The following KPNA6 variants were observed in gnomAD, a reference collection of about 807,000 sequenced individuals.
KPNA6 encodes importin subunit alpha-7.
In KPNA6, 9 loss-of-function variants were observed where a neutral mutation model predicts 72.0. The ratio of observed to expected loss-of-function variants is 0.13; its 90% CI spans 0.08 to 0.22. The LOEUF (loss-of-function observed/expected upper bound fraction) is 0.22. Ranked by LOEUF, KPNA6 falls within the 10% of genes least tolerant of loss-of-function variation. The pLI is 1.00. For synonymous variants in KPNA6, 219 were observed against 242.1 expected (o/e 0.90, Z 0.89); for missense variants, 374 against 655.7 (o/e 0.57, Z 4.69).
intron 2 of KPNA6, among the ~76,000 whole-genome samples, chr1:32,156,110 T>C (rs923512008): frequency 2.7e-5 from 4 of 146,756 alleles, no homozygotes; most frequent in African/African-American, 9.9e-5. Flanking sequence ...CTTTTTTTCT[T>C]TTTTTTTTTT....
intron 1 of KPNA6, among the ~76,000 whole-genome samples, chr1:32,146,020 G>A (rs1270998698): frequency 6.6e-6 from 1 of 152,048 alleles, no homozygotes; most frequent in Non-Finnish European, 1.5e-5. Flanking sequence ...ACTTTTAGTG[G>A]GCTAACATAT....
At chr1:32,117,600 G>A (rs1641351308) in intron 1 of KPNA6, among the ~76,000 whole-genome samples, 1 of 152,074 alleles carries the variant, frequency 6.6e-6, no homozygotes, top group South Asian at 2.1e-4. Context: ...GACCAGCCTG[G>A]GCAACATAGT....
In KPNA6 at chr1:32,156,971, C is replaced by G. The variant is rs752612230; in HGVS notation, c.231+26C>G. 4.5e-6 allele frequency: 7 copies of G among 1,550,864 alleles called. No homozygotes were observed. The Admixed American group carries it at 7.0e-5, about 15-fold the overall frequency. On this transcript the variant is annotated intron_variant, in intron 3 of 13. Coordinates refer to ENST00000373625, the MANE Select transcript of KPNA6 (RefSeq NM_012316.5). ...GTAAGGCCCCTGCATGTGCCTCAGGCTGACCTGGAAAACACCTGCTTCTAA... is the reference window on the plus strand; with the variant it reads ...GTAAGGCCCCTGCATGTGCCTCAGGGTGACCTGGAAAACACCTGCTTCTAA...
intron 1 of KPNA6, among the ~76,000 whole-genome samples, chr1:32,153,872 C>T (rs1441815353): frequency 6.6e-6 from 1 of 152,086 alleles, no homozygotes; most frequent in African/African-American, 2.4e-5. Context: ...CTTGGCTGGA[C>T]GTGGTTGCTC....
chr1:32,154,613 C>G lies in KPNA6; in HGVS notation c.30C>G (p.Asp10Glu). ...AGACCATGGCGAGCCCAGGGAAAGACAATTATCGAATGAAGAGCTATAAGA... is the reference window on the plus strand; with the variant it reads ...AGACCATGGCGAGCCCAGGGAAAGAGAATTATCGAATGAAGAGCTATAAGA... Reference protein sequence around the residue: METMASPGKDNYRMKSYKNN... With the variant: METMASPGKENYRMKSYKNN... The change falls in exon 2 of 14, where the codon GAC (aspartate) becomes GAG (glutamate). Residue 10 changes from aspartate (D) to glutamate (E), a missense_variant. Physicochemically the swap from Asp to Glu is conservative, Grantham distance 45. Coordinates refer to ENST00000373625, the MANE Select transcript of KPNA6 (RefSeq NM_012316.5). The G allele has an allele frequency of 6.2e-7, 1 of 1,613,664 alleles. No homozygotes were observed. Among genetic ancestry groups the G allele is most frequent in the Non-Finnish European group, 8.5e-7 (1 of 1,179,810 alleles).
At chr1:32,149,521 C>T (rs1250456959) in intron 1 of KPNA6, among the ~76,000 whole-genome samples, 3 of 152,224 alleles carry the variant, frequency 2.0e-5, no homozygotes, top group African/African-American at 7.2e-5. Flanking sequence ...CTACCACACG[C>T]AGCTAGGAAT....
At chr1:32,139,816 G>GCTT (rs1248627902) in intron 1 of KPNA6, among the ~76,000 whole-genome samples, 2 of 152,306 alleles carry the variant, frequency 1.3e-5, no homozygotes, top group East Asian at 3.9e-4. Flanking sequence ...TCTGGGAGAG[G>GCTT]CAGAAGCATA....
At chr1:32,109,840 TG>T (rs1354277521) in intron 1 of KPNA6, among the ~76,000 whole-genome samples, 3 of 151,774 alleles carry the variant, frequency 2.0e-5, no homozygotes, top group Admixed American at 2.0e-4. Flanking sequence ...GTATTTTTAG[TG>T]GAGACGGGGT....
intron 1 of KPNA6, among the ~76,000 whole-genome samples, chr1:32,132,069 G>A (rs915199054): frequency 1.3e-5 from 2 of 151,458 alleles, no homozygotes; most frequent in Non-Finnish European, 2.9e-5. Flanking sequence ...TTTCCAGGTA[G>A]AAGCAATTCT....
chr1:32,166,127 T>C lies in KPNA6; in HGVS notation c.1013T>C (p.Leu338Pro), dbSNP rs1218232485. The change falls in exon 11 of 14, where the codon CTA (leucine) becomes CCA (proline). Residue 338 changes from leucine (L) to proline (P), a missense_variant. Around this residue, in one of 3 missense-constraint regions of KPNA6, gnomAD observed 298 missense variants for 495.4 expected, o/e 0.60. Coordinates refer to ENST00000373625, the MANE Select transcript of KPNA6 (RefSeq NM_012316.5). ...TAGGTCATTCTTAACTGTTCAGCCCTACCTTGCCTTCTCCACTTGTTGAGC... is the reference window on the plus strand; with the variant it reads ...TAGGTCATTCTTAACTGTTCAGCCCCACCTTGCCTTCTCCACTTGTTGAGC... Reference protein sequence around the residue: ...QTQVILNCSALPCLLHLLSSP... With the variant: ...QTQVILNCSAPPCLLHLLSSP... The C allele has an allele frequency of 1.2e-6, 2 of 1,614,116 alleles. No individual in the cohort carries two copies. Among genetic ancestry groups the C allele is most frequent in the Non-Finnish European group, 1.7e-6 (2 of 1,179,984 alleles).
At chr1:32,110,021 T>C (rs1641217749) in intron 1 of KPNA6, among the ~76,000 whole-genome samples, 1 of 151,122 alleles carries the variant, frequency 6.6e-6, no homozygotes, top group African/African-American at 2.4e-5. Context: ...CTAATTATTG[T>C]GTGTGGGGCA....
chr1:32,157,287 G>A, intron 3 of KPNA6, 59 bp from the exon 4 acceptor site: 1 of 1,300,772 alleles, frequency 7.7e-7, no homozygotes, highest in South Asian at 1.2e-5. Flanking sequence ...GCAGTATTAT[G>A]TGCTCACATC....
At chr1:32,128,356 A>T (rs1641569353) in intron 1 of KPNA6, among the ~76,000 whole-genome samples, 1 of 136,318 alleles carries the variant, frequency 7.3e-6, no homozygotes, top group Admixed American at 7.8e-5. Context: ...AAGAACTAGG[A>T]ATATATATAT....
chr1:32,167,134 C>A (rs751861032), intron 11 of KPNA6, 35 bp from the exon 12 acceptor site: 2 of 1,606,378 alleles, frequency 1.2e-6, no homozygotes, highest in Admixed American at 3.4e-5. Flanking sequence ...AAATGACTTT[C>A]TCCTTCCATC....
intron 12 of KPNA6, among the ~76,000 whole-genome samples, chr1:32,169,397 T>A (rs1027554397): frequency 1.3e-5 from 2 of 150,490 alleles, no homozygotes; most frequent in Non-Finnish European, 3.0e-5. Flanking sequence ...TGGGGAACAC[T>A]CTCATTCTCT....
chr1:32,143,544 G>A (rs948241458), intron 1 of KPNA6, among the ~76,000 whole-genome samples: 3 of 142,170 alleles, frequency 2.1e-5, no homozygotes, highest in Middle Eastern at 3.8e-3. Flanking sequence ...CTGCACTCCA[G>A]CCCGGGTGAC....
chr1:32,158,153 G>A (rs1352326607), intron 4 of KPNA6, 114 bp from the exon 5 acceptor site: 1 of 660,062 alleles, frequency 1.5e-6, no homozygotes, highest in Non-Finnish European at 2.7e-6. Context: ...AAGGGAGTTT[G>A]GGAATGTTTG....
intron 1 of KPNA6, among the ~76,000 whole-genome samples, chr1:32,137,001 A>T: frequency 6.6e-6 from 1 of 152,250 alleles, no homozygotes. Flanking sequence ...ACAATTAAAA[A>T]AGAATTACTT....
intron 1 of KPNA6, among the ~76,000 whole-genome samples, chr1:32,118,342 T>C (rs1033409407): frequency 1.3e-4 from 19 of 149,972 alleles, no homozygotes; most frequent in African/African-American, 4.1e-4. Context: ...ACTTTGTTCT[T>C]ACTTTTTTTT....
Sources: allele counts gnomAD v4.1 joint callset (sites outside exome capture counted in the v4.1 genomes callset), GRCh38; gene constraint gnomAD v4.1.1; regional missense constraint gnomAD v4.1.1; transcripts MANE v1.5; gene names NCBI Gene and HGNC (gene_info 2026-07-23, HGNC 2026-07-21).